The following ZNF737 variants were observed in gnomAD, a reference collection of about 807,000 sequenced individuals.
ZNF737 encodes zinc finger protein 737.
A neutral mutation model predicts 11.7 loss-of-function variants in ZNF737; 13 were observed. That is an observed-to-expected ratio of 1.11 (90% confidence interval 0.73 to 1.77). The LOEUF (loss-of-function observed/expected upper bound fraction) is 1.77. Among genes scored for constraint, ZNF737 ranks in the 40% most tolerant of loss-of-function variants. ZNF737 has a pLI of 0.00. For missense variants in ZNF737, 636 were observed against 638.0 expected, an observed-to-expected ratio of 1.00 and a Z score of 0.03; for synonymous variants, 217 against 216.2, an observed-to-expected ratio of 1.00 and a Z score of -0.03.
intron 1 of ZNF737, among the ~76,000 whole-genome samples, chr19:20,558,629 A>G (rs1423957806): frequency 6.6e-6 from 1 of 152,232 alleles, no homozygotes; most frequent in Non-Finnish European, 1.5e-5. Context: ...GGTACCAACC[A>G]AAGACACCTC....
rs1968250397 is a variant in ZNF737 at position 20,542,447 on chromosome 19, G to A, written c.*2145C>T. The A allele has an allele frequency of 1.8e-6, 1 of 557,560 alleles. No homozygotes were observed. The highest frequency in any genetic ancestry group is 7.9e-5 in the South Asian group (1 of 12,630). 34.5% of individuals were successfully genotyped at this position (557,560 alleles called of 1,614,324 possible). A position where few individuals can be genotyped will look rare whatever the true frequency, so the allele number is the denominator to read the frequency against. On this transcript the variant is annotated 3_prime_UTR_variant, in exon 4 of 4. Transcript: ENST00000427401. The stretch of plus-strand genomic sequence containing the variant: ...GGGTTTCTCCATGTTGGTCAGGCTG[G>A]TCTCGAACTCCTGACCTCAGGTGAT...
downstream of ZNF737, chr19:20,536,195 T>C (rs1355753639): frequency 4.2e-6 from 3 of 708,148 alleles, no homozygotes; most frequent in Non-Finnish European, 3.5e-6. Context: ...TCTAGTAAAA[T>C]AAAGATTAAT....
chr19:20,554,027 ATCCAC>A, intron 1 of ZNF737, among the ~76,000 whole-genome samples, 192 bp from the exon 2 acceptor site: 1 of 152,338 alleles, frequency 6.6e-6, no homozygotes, highest in South Asian at 2.1e-4. Context: ...ACAGCATAAG[ATCCAC>A]AACATCAGTT....
chr19:20,540,760 G>T lies in ZNF737; in HGVS notation c.*3832C>A. 1 of 705,546 alleles carries T rather than the reference G, an allele frequency of 1.4e-6. No homozygotes were observed. Among genetic ancestry groups the T allele is most frequent in the Non-Finnish European group, 1.7e-6 (1 of 581,288 alleles). 43.7% of individuals were successfully genotyped at this position (705,546 alleles called of 1,614,324 possible). On this transcript the variant is annotated 3_prime_UTR_variant, in exon 4 of 4. Transcript: ENST00000427401. ...GAAGACAGAGCAACACTCCATCATG[G>T]AAAAAAAAAAAGAGTCTTTCTGCTG...
downstream of ZNF737, among the ~76,000 whole-genome samples, chr19:20,536,603 C>A (rs1967976509): frequency 6.6e-6 from 1 of 151,852 alleles, no homozygotes; most frequent in Admixed American, 6.6e-5. Flanking sequence ...GGGTCAGGAG[C>A]TCGAGACCAG....
At chr19:20,546,769 A>G (rs930741581) in intron 3 of ZNF737, among the ~76,000 whole-genome samples, 3 of 152,170 alleles carry the variant, frequency 2.0e-5, no homozygotes, top group Non-Finnish European at 2.9e-5. Flanking sequence ...AGTCCTAGAT[A>G]CTCAAAAAAC....
chr19:20,557,514 C>T (rs1968934229), intron 1 of ZNF737, among the ~76,000 whole-genome samples: 1 of 148,720 alleles, frequency 6.7e-6, no homozygotes, highest in Non-Finnish European at 1.5e-5. Flanking sequence ...AAACTTAAAT[C>T]CCAGAGTTTC....
intron 3 of ZNF737, among the ~76,000 whole-genome samples, chr19:20,546,555 C>G (rs1401801337): frequency 6.6e-6 from 1 of 152,152 alleles, no homozygotes; most frequent in East Asian, 1.9e-4. Flanking sequence ...CACAGTATTC[C>G]TATTTGCATC....
chr19:20,559,517 G>C (rs1406156188), intron 1 of ZNF737, among the ~76,000 whole-genome samples: 1 of 151,744 alleles, frequency 6.6e-6, no homozygotes, highest in Non-Finnish European at 1.5e-5. Context: ...AATCACTAGA[G>C]AAATTAAAAG....
At chr19:20,554,614 T>C (rs879993121) in intron 1 of ZNF737, among the ~76,000 whole-genome samples, 9 of 152,202 alleles carry the variant, frequency 5.9e-5, no homozygotes, top group Non-Finnish European at 1.2e-4. Flanking sequence ...GTTGTGCTAA[T>C]GCACATAGAA....
Position 20,544,436 on chromosome 19 carries a change from T to C in ZNF737, c.*156A>G, listed in dbSNP as rs1180289190. On this transcript the variant is annotated 3_prime_UTR_variant, in exon 4 of 4. Coordinates refer to ENST00000427401, the MANE Select transcript of ZNF737 (RefSeq NM_001159293.2). ...TGCATTTTCTTATTTGTTGGGTTTC[T>C]TTCCCGCATGAATTATCTAATGTCT... is the stretch of plus-strand genomic sequence containing the variant. The C allele has an allele frequency of 4.1e-6, 6 of 1,464,226 alleles. No homozygotes were observed. Among genetic ancestry groups the C allele is most frequent in the South Asian group, 3.0e-5 (2 of 66,788 alleles). 90.7% of individuals were successfully genotyped at this position (1,464,226 alleles called of 1,614,324 possible). A position where few individuals can be genotyped will look rare whatever the true frequency, so the allele number is the denominator to read the frequency against.
chr19:20,562,330 C>T (rs1969127107), intron 1 of ZNF737, among the ~76,000 whole-genome samples: 1 of 143,812 alleles, frequency 7.0e-6, no homozygotes, highest in Non-Finnish European at 1.5e-5. Flanking sequence ...CCCACCAACA[C>T]ACCTGGCTAA....
intron 1 of ZNF737, among the ~76,000 whole-genome samples, chr19:20,559,394 G>A (rs1281319962): frequency 1.3e-5 from 2 of 151,880 alleles, no homozygotes; most frequent in Admixed American, 6.6e-5. Flanking sequence ...CTTTTCAAAA[G>A]AAAATATACA....
At position 20,552,573 on chromosome 19, in the gene ZNF737, GT is replaced by G; in HGVS notation, c.131-4del. Reference sequence around the variant, plus strand: ...GTCTGGCTTAGAGACAACAATACCTGTTTTATTAAAAATAAATAACATGAAT... The same window carrying G: ...GTCTGGCTTAGAGACAACAATACCTGTTTATTAAAAATAAATAACATGAAT... On this transcript the variant is annotated splice_polypyrimidine_tract_variant and splice_region_variant and intron_variant, in intron 2 of 3. Transcript: ENST00000427401. 6.4e-7 allele frequency: 1 copy of G among 1,567,544 alleles called. No individual in the cohort carries two copies. The highest frequency in any genetic ancestry group is 8.6e-7 in the Non-Finnish European group (1 of 1,158,946).
chr19:20,534,169 C>T (rs114236346), downstream of ZNF737, among the ~76,000 whole-genome samples: 2,649 of 150,120 alleles, frequency 0.018, 234 homozygotes, highest in African/African-American at 0.062. Context: ...TGAGCTGGGC[C>T]GGTGGCTCAT....
rs1968168160 is a variant in ZNF737, at chr19:20,540,749, A to G, written c.*3843T>C. On this transcript the variant is annotated 3_prime_UTR_variant, in exon 4 of 4. Transcript: ENST00000427401. Reference sequence around the variant, plus strand: ...TCTCCAGCCTGGAAGACAGAGCAACACTCCATCATGGAAAAAAAAAAAGAG... The same window carrying G: ...TCTCCAGCCTGGAAGACAGAGCAACGCTCCATCATGGAAAAAAAAAAAGAG... 1 of 861,452 alleles carries G rather than the reference A, an allele frequency of 1.2e-6. No homozygotes were observed. Among genetic ancestry groups the G allele is most frequent in the Non-Finnish European group, 1.4e-6 (1 of 717,958 alleles). The allele number at this position is 861,452 out of a possible 1,614,324, so 53.4% of individuals were successfully genotyped here. A position where few individuals can be genotyped will look rare whatever the true frequency, so the allele number is the denominator to read the frequency against.
chr19:20,546,231 A>G (rs2144626218), intron 3 of ZNF737, among the ~76,000 whole-genome samples: 1 of 152,334 alleles, frequency 6.6e-6, no homozygotes, highest in Non-Finnish European at 1.5e-5. Context: ...CATAGAATAA[A>G]AAGAAAATTC....
Position 20,542,654 on chromosome 19 carries a change from G to C in ZNF737, c.*1938C>G, listed in dbSNP as rs975966797. On this transcript the variant is annotated 3_prime_UTR_variant, in exon 4 of 4. Transcript: ENST00000427401. ...TGTCACTATAATAAAGTATTGCTCT[G>C]AACATTTACGTTATACATTACTTAA... 5.1e-6 allele frequency: 5 copies of C among 981,102 alleles called. No homozygotes were observed. The highest frequency in any genetic ancestry group is 1.2e-4 in the Admixed American group (2 of 16,230). The allele number at this position is 981,102 out of a possible 1,614,324, so 60.8% of individuals were successfully genotyped here.
chr19:20,532,944 A>G (rs782645295), downstream of ZNF737, among the ~76,000 whole-genome samples: 3 of 150,074 alleles, frequency 2.0e-5, no homozygotes, highest in Non-Finnish European at 4.4e-5. Context: ...TTCTGCCTCA[A>G]AGACAAAAAG....
Sources: gnomAD v4.1 joint callset for allele counts (sites outside exome capture counted in the v4.1 genomes callset) on GRCh38, gnomAD v4.1.1 for gene constraint, MANE v1.5 for transcripts, NCBI Gene and HGNC (gene_info 2026-07-23, HGNC 2026-07-21) for gene names.